The following RFX7 variants were observed in gnomAD, a reference collection of about 807,000 sequenced individuals.
RFX7 encodes DNA-binding protein RFX7.
A neutral mutation model predicts 111.8 loss-of-function variants in RFX7; 26 were observed. That is an observed-to-expected ratio of 0.23 (90% CI 0.17 to 0.32). RFX7 has a LOEUF of 0.32. Ranked by LOEUF, RFX7 falls within the 10% of genes least tolerant of loss-of-function variation. The pLI, the probability that RFX7 is intolerant of heterozygous loss-of-function variation, is 1.00. For missense variants in RFX7, 1,573 were observed against 1,772.9 expected, an observed-to-expected ratio of 0.89 and a Z score of 2.02; for synonymous variants, 624 against 624.4, an observed-to-expected ratio of 1.00 and a Z score of 0.01.
intron 5 of RFX7, among the ~76,000 whole-genome samples, chr15:56,130,394 A>G (rs911308463): frequency 9.2e-5 from 14 of 151,862 alleles, no homozygotes; most frequent in African/African-American, 3.4e-4. Flanking sequence ...GCAAAATAAA[A>G]TGAAATAAAC....
chr15:56,232,235 C>G (rs1292696373), intron 2 of RFX7, among the ~76,000 whole-genome samples: 4 of 152,194 alleles, frequency 2.6e-5, no homozygotes, highest in African/African-American at 9.7e-5. Flanking sequence ...TCCACACTGC[C>G]CTAGCAGAGG....
chr15:56,215,531 G>A (rs1279682721), intron 2 of RFX7, among the ~76,000 whole-genome samples: 1 of 152,162 alleles, frequency 6.6e-6, no homozygotes, highest in Admixed American at 6.5e-5. Flanking sequence ...TTGCCCTCCT[G>A]TAACAGACTC....
In RFX7 at chr15:56,094,356, G is replaced by C. The variant is rs769846551; in HGVS notation, c.3372C>G (p.Val1124=). The change falls in exon 10 of 10, where the codon GTC becomes GTG. Residue 1124 remains valine, a synonymous_variant. Coordinates refer to ENST00000559447, the MANE Select transcript of RFX7 (RefSeq NM_022841.7). ...HDTHFGRLTP[V]SPVQHQGATV... is the part of the protein sequence containing the mutation. ...TGGCACCTTGATGCTGCACAGGAGA[G>C]ACAGGAGTCAAACGACCAAAATGAG... The C allele has an allele frequency of 6.2e-6, 10 of 1,613,884 alleles. No individual in the cohort carries two copies. Among genetic ancestry groups the C allele is most frequent in the Admixed American group, 1.7e-5 (1 of 59,994 alleles).
At chr15:56,225,620 G>C (rs2043474406) in intron 2 of RFX7, among the ~76,000 whole-genome samples, 1 of 152,036 alleles carries the variant, frequency 6.6e-6, no homozygotes, top group Admixed American at 6.6e-5. Context: ...TTAGAAGTTA[G>C]GAACTCCAAA....
At chr15:56,242,786 T>G (rs2043716734) in intron 2 of RFX7, among the ~76,000 whole-genome samples, 1 of 152,220 alleles carries the variant, frequency 6.6e-6, no homozygotes, top group Admixed American at 6.5e-5. Flanking sequence ...ACATTTCACA[T>G]TCTCCAGTTC....
At chr15:56,159,248 T>TG (rs2042692652) in intron 3 of RFX7, among the ~76,000 whole-genome samples, 1 of 152,226 alleles carries the variant, frequency 6.6e-6, no homozygotes, top group African/African-American at 2.4e-5. Context: ...CATCTGATGA[T>TG]GGACACGTAG....
chr15:56,170,373 A>G (rs975226662), intron 3 of RFX7, among the ~76,000 whole-genome samples: 1 of 152,208 alleles, frequency 6.6e-6, no homozygotes, highest in Non-Finnish European at 1.5e-5. Context: ...AAGAAGGAAC[A>G]GTCTAGAATA....
intron 5 of RFX7, among the ~76,000 whole-genome samples, chr15:56,118,073 G>A (rs961632499): frequency 2.7e-5 from 4 of 150,660 alleles, no homozygotes; most frequent in Admixed American, 1.3e-4. Context: ...TATATATTAG[G>A]TATATATATA....
chr15:56,192,449 A>G (rs1359523933), intron 2 of RFX7: 5 of 212,904 alleles, frequency 2.3e-5, no homozygotes, highest in African/African-American at 1.2e-4. Flanking sequence ...GGTTCTTTGT[A>G]TCTATTTCAT....
At chr15:56,196,695 A>G (rs2043148700) in intron 2 of RFX7, among the ~76,000 whole-genome samples, 1 of 152,130 alleles carries the variant, frequency 6.6e-6, no homozygotes, top group Non-Finnish European at 1.5e-5. Context: ...TAAAAATAAA[A>G]TAAAATAAAA....
rs955030669 is a variant in RFX7, at chr15:56,155,327, C to T, written c.196-10844G>A. Among the ~76,000 whole-genome samples, 10 of 152,164 alleles carry T rather than the reference C, an allele frequency of 6.6e-5. 1 individual carries two copies. Among genetic ancestry groups the T allele is most frequent in the Admixed American group, 3.3e-4 (5 of 15,282 alleles). ...GGCACATGCACACGTATGTTTATTGCGGCACTATTCACAATAGCAAAGACT... is the reference window on the plus strand; with the variant it reads ...GGCACATGCACACGTATGTTTATTGTGGCACTATTCACAATAGCAAAGACT... On this transcript the variant is annotated intron_variant, in intron 3 of 9. Coordinates refer to ENST00000559447, the MANE Select transcript of RFX7 (RefSeq NM_022841.7).
At chr15:56,121,395 T>C (rs2042077171) in intron 5 of RFX7, among the ~76,000 whole-genome samples, 1 of 152,178 alleles carries the variant, frequency 6.6e-6, no homozygotes, top group African/African-American at 2.4e-5. Context: ...TGTTTTATCT[T>C]GCTGCTTTTA....
intron 2 of RFX7, among the ~76,000 whole-genome samples, chr15:56,218,447 G>A (rs2043390079): frequency 6.6e-6 from 1 of 152,034 alleles, no homozygotes; most frequent in Non-Finnish European, 1.5e-5. Context: ...ACAATTTAAA[G>A]TATATAGAAG....
At chr15:56,131,218 G>A (rs1289015948) in intron 5 of RFX7, among the ~76,000 whole-genome samples, 3 of 149,534 alleles carry the variant, frequency 2.0e-5, no homozygotes, top group Admixed American at 2.0e-4. Context: ...AAGATAACAC[G>A]TCTTGACATA....
intron 2 of RFX7, among the ~76,000 whole-genome samples, chr15:56,241,367 A>G (rs912008169): frequency 1.3e-5 from 2 of 152,142 alleles, no homozygotes; most frequent in African/African-American, 4.8e-5. Flanking sequence ...TGCCTCCACA[A>G]CTCACTTATT....
chr15:56,147,505 A>G (rs1343580729), intron 3 of RFX7, among the ~76,000 whole-genome samples: 2 of 152,246 alleles, frequency 1.3e-5, no homozygotes, highest in Admixed American at 6.5e-5. Flanking sequence ...TACTTGTACA[A>G]CACAGTTAAT....
intron 2 of RFX7, among the ~76,000 whole-genome samples, chr15:56,226,726 G>T (rs1194844537): frequency 6.6e-6 from 1 of 152,102 alleles, no homozygotes; most frequent in South Asian, 2.1e-4. Context: ...ATAAAAGTGG[G>T]ACCCTGATGT....
At chr15:56,140,145 C>T (rs1193949714) in intron 5 of RFX7, among the ~76,000 whole-genome samples, 11 of 152,212 alleles carry the variant, frequency 7.2e-5, no homozygotes, top group African/African-American at 2.7e-4. Context: ...GGGCTCCGCC[C>T]AGTTGGAGCT....
intron 2 of RFX7, among the ~76,000 whole-genome samples, chr15:56,229,393 G>A (rs1294796432): frequency 2.0e-5 from 3 of 152,124 alleles, no homozygotes; most frequent in Admixed American, 1.3e-4. Flanking sequence ...AGCCTCCCGA[G>A]TTGCTGGGAC....
Sources: gnomAD v4.1 joint callset for allele counts (sites outside exome capture counted in the v4.1 genomes callset) on GRCh38, gnomAD v4.1.1 for gene constraint, MANE v1.5 for transcripts, NCBI Gene and HGNC (gene_info 2026-07-23, HGNC 2026-07-21) for gene names.